The following B4GALT1 variants were observed in gnomAD, a reference collection of about 807,000 sequenced individuals.
B4GALT1 encodes N-acetyllactosamine synthase.
A neutral mutation model predicts 34.9 loss-of-function variants in B4GALT1; 16 were observed. The observed-to-expected ratio is 0.46, with a 90% CI of 0.31 to 0.70. The LOEUF is 0.70. B4GALT1 is among the 30% of genes least tolerant of loss of function. The pLI, the probability that B4GALT1 is intolerant of heterozygous loss-of-function variation, is 0.05. For synonymous variants in B4GALT1, 221 were observed against 218.1 expected, an observed-to-expected ratio of 1.01 and a Z score of -0.12; for missense variants, 445 against 530.5, an observed-to-expected ratio of 0.84 and a Z score of 1.58.
At chr9:33,184,289 A>ACACAC in the B4GALT1 span, among the ~76,000 whole-genome samples, 637 of 100,886 alleles carry the variant, frequency 6.3e-3, 3 homozygotes, top group Non-Finnish European at 6.5e-3. Context: ...CACACACACA[A>ACACAC]AAACATAGGA....
chr9:33,135,469 G>T, intron 1 of B4GALT1, 45 bp from the exon 2 acceptor site: 1 of 1,562,758 alleles, frequency 6.4e-7, no homozygotes, highest in Non-Finnish European at 8.8e-7. Context: ...CACAGGACTC[G>T]CCACCGCTCC....
intron 1 of B4GALT1, among the ~76,000 whole-genome samples, chr9:33,158,286 C>T (rs1010015444): frequency 6.6e-6 from 1 of 152,160 alleles, no homozygotes; most frequent in African/African-American, 2.4e-5. Flanking sequence ...GACCAGGGCT[C>T]GGAATCCTCA....
chr9:33,135,890 A>AGT (rs112875696), intron 1 of B4GALT1, among the ~76,000 whole-genome samples: 10,826 of 104,034 alleles, frequency 0.1, 501 homozygotes, highest in South Asian at 0.2. Context: ...TAACTGGGGA[A>AGT]GTGTGTGTGT....
chr9:33,135,970 A>T (rs1394975579), intron 1 of B4GALT1, among the ~76,000 whole-genome samples: 5 of 146,976 alleles, frequency 3.4e-5, no homozygotes, highest in Non-Finnish European at 7.5e-5. Flanking sequence ...GTGTGGAGGG[A>T]GTTAGCTTCG....
chr9:33,130,489 G>T (rs1554686245), intron 2 of B4GALT1, among the ~76,000 whole-genome samples: 2 of 121,594 alleles, frequency 1.6e-5, no homozygotes, highest in Non-Finnish European at 3.4e-5. Context: ...AGACCTTAAG[G>T]AAAAAGAGCA....
At chr9:33,140,920 C>T (rs982908316) in intron 1 of B4GALT1, among the ~76,000 whole-genome samples, 8 of 152,234 alleles carry the variant, frequency 5.3e-5, no homozygotes, top group African/African-American at 1.2e-4. Flanking sequence ...ATTTACTGTA[C>T]GTGGCTCACC....
rs969429731 is a variant in B4GALT1 at position 33,111,542 on chromosome 9, T to G, written c.*1912A>C. The G allele has an allele frequency of 2.0e-5, 3 of 152,432 alleles. No homozygotes were observed. Among genetic ancestry groups the G allele is most frequent in the Non-Finnish European group, 2.9e-5 (2 of 68,042 alleles). The allele number at this position is 152,432 out of a possible 1,614,324, so 9.4% of individuals were successfully genotyped here. ...TGCTTCTGCAATGGAAAATAATTTT[T>G]AACCAATACAAAGGCTTCTGGAAAA... On this transcript the variant is annotated 3_prime_UTR_variant, in exon 6 of 6. Coordinates refer to ENST00000379731, the MANE Select transcript of B4GALT1 (RefSeq NM_001497.4).
chr9:33,118,668 C>CA (rs1027820640), intron 3 of B4GALT1, among the ~76,000 whole-genome samples: 201 of 149,470 alleles, frequency 1.3e-3, no homozygotes, highest in African/African-American at 4.7e-3. Context: ...GACTCTGTCT[C>CA]AAAAAAAATA....
intron 4 of B4GALT1, 59 bp downstream of exon 4, chr9:33,115,932 T>C: frequency 6.3e-7 from 1 of 1,583,002 alleles, no homozygotes; most frequent in South Asian, 1.1e-5. Flanking sequence ...CAAGCATTGG[T>C]TAAAAAACTG....
At chr9:33,120,206 AGGG>A (rs1212432339) in intron 3 of B4GALT1, among the ~76,000 whole-genome samples, 1 of 151,018 alleles carries the variant, frequency 6.6e-6, no homozygotes, top group Non-Finnish European at 1.5e-5. Context: ...AAAAAAAAAA[AGGG>A]GGGAAAATTT....
intron 1 of B4GALT1, among the ~76,000 whole-genome samples, chr9:33,156,218 C>T (rs1201080849): frequency 6.6e-6 from 1 of 151,942 alleles, no homozygotes; most frequent in Non-Finnish European, 1.5e-5. Context: ...ACTGCAACCT[C>T]CGCCTCCCAG....
chr9:33,151,516 C>T (rs1447467199), intron 1 of B4GALT1, among the ~76,000 whole-genome samples: 1 of 152,214 alleles, frequency 6.6e-6, no homozygotes, highest in African/African-American at 2.4e-5. Context: ...TCTCTGGTGT[C>T]AGGACTACTT....
intron 1 of B4GALT1, among the ~76,000 whole-genome samples, chr9:33,156,710 T>C (rs528525796): frequency 3.3e-5 from 5 of 152,200 alleles, no homozygotes; most frequent in African/African-American, 4.8e-5. Flanking sequence ...CCACATGAGT[T>C]AAATGATCAG....
At chr9:33,160,310 T>C (rs1244064829) in intron 1 of B4GALT1, among the ~76,000 whole-genome samples, 4 of 152,250 alleles carry the variant, frequency 2.6e-5, no homozygotes, top group Non-Finnish European at 5.9e-5. Flanking sequence ...AACAGTTGAA[T>C]GATTTTTTTA....
At position 33,166,967 on chromosome 9, in the gene B4GALT1, G is replaced by A. The variant is rs775222719; in HGVS notation, c.203C>T (p.Ala68Val). 2.3e-5 allele frequency: 37 copies of A among 1,581,584 alleles called. No homozygotes were observed. Among genetic ancestry groups the A allele is most frequent in the Non-Finnish European group, 3.1e-5 (36 of 1,171,006 alleles). ...CTCCCCGGAGGACTGCCCGATGGCG[G>A]CGGCACTGTTCGAGCCGCCCTGCAG... Reference protein sequence around the residue: ...TPLQGGSNSAAAIGQSSGELR... With the variant: ...TPLQGGSNSAVAIGQSSGELR... The change falls in exon 1 of 6, where the codon GCC becomes GTC. Residue 68 changes from alanine to valine, a missense_variant. Physicochemically the swap from Ala to Val is moderately conservative, Grantham distance 64. Transcript: ENST00000379731.
chr9:33,160,863 G>A (rs933145672), intron 1 of B4GALT1, among the ~76,000 whole-genome samples: 8 of 152,134 alleles, frequency 5.3e-5, no homozygotes, highest in Non-Finnish European at 1.2e-4. Flanking sequence ...AGGAATTTGG[G>A]TGTGCTTTTA....
the B4GALT1 span, among the ~76,000 whole-genome samples, chr9:33,182,165 C>T: frequency 5.9e-5 from 9 of 152,276 alleles, no homozygotes; most frequent in Non-Finnish European, 1.2e-4. Context: ...TCTGGTGGCT[C>T]GCAGCCATCC....
At chr9:33,163,241 T>C (rs1840700437) in intron 1 of B4GALT1, among the ~76,000 whole-genome samples, 1 of 152,098 alleles carries the variant, frequency 6.6e-6, no homozygotes, top group Admixed American at 6.5e-5. Context: ...GACCAGCAAG[T>C]GCTAGGACAC....
the B4GALT1 span, among the ~76,000 whole-genome samples, chr9:33,182,994 G>A: frequency 1.3e-5 from 2 of 152,084 alleles, no homozygotes. Flanking sequence ...GGAAAATTCA[G>A]ATAACATGTA....
Sources: allele counts gnomAD v4.1 joint callset (sites outside exome capture counted in the v4.1 genomes callset), GRCh38; gene constraint gnomAD v4.1.1; transcripts MANE v1.5; gene names NCBI Gene and HGNC (gene_info 2026-07-23, HGNC 2026-07-21).